Variants in IL1RAPL1 observed in about 807,000 individuals in gnomAD.
IL1RAPL1 encodes the protein interleukin 1 receptor accessory protein like 1.
IL1RAPL1 carries 3 observed loss-of-function variants against 48.4 expected under a neutral mutation model. That is an observed-to-expected ratio of 0.06 (90% CI 0.03 to 0.16). The LOEUF is 0.16. IL1RAPL1 is among the 10% of genes least tolerant of loss of function. The pLI, the probability that IL1RAPL1 is intolerant of heterozygous loss-of-function variation, is 1.00. For missense variants in IL1RAPL1, 349 were observed against 530.6 expected, an observed-to-expected ratio of 0.66 and a Z score of 3.36; for synonymous variants, 185 against 187.7, an observed-to-expected ratio of 0.99 and a Z score of 0.12.
At chrX:29,655,747 G>A in intron 5 of IL1RAPL1, among the ~76,000 whole-genome samples, 1 of 109,668 alleles carries the variant, frequency 9.1e-6, no homozygotes, top group Non-Finnish European at 1.9e-5. Flanking sequence ...TTGAATTCTG[G>A]CTTCTGTCCT....
At chrX:28,995,888 A>G (rs1020650954) in intron 2 of IL1RAPL1, among the ~76,000 whole-genome samples, 1 of 109,694 alleles carries the variant, frequency 9.1e-6, no homozygotes, top group Non-Finnish European at 1.9e-5. Flanking sequence ...ATATTTACCA[A>G]CTTCTATGAA....
chrX:29,173,925 C>CT (rs922129570), intron 2 of IL1RAPL1, among the ~76,000 whole-genome samples: 42 of 102,336 alleles, frequency 4.1e-4, no homozygotes, highest in East Asian at 6.0e-4. Flanking sequence ...CAACAAGATG[C>CT]TTTTTTTTTT....
chrX:29,226,714 C>T (rs993377821), intron 2 of IL1RAPL1, among the ~76,000 whole-genome samples: 3 of 108,446 alleles, frequency 2.8e-5, no homozygotes, highest in East Asian at 2.8e-4. Context: ...GGATTACAGG[C>T]GTGAGCCACT....
At chrX:28,596,555 C>T (rs1408761731) in intron 1 of IL1RAPL1, among the ~76,000 whole-genome samples, 3 of 111,034 alleles carry the variant, frequency 2.7e-5, no homozygotes, top group Non-Finnish European at 3.8e-5. Context: ...TCACATATAC[C>T]GACATCCCTT....
At chrX:28,616,711 C>T (rs1011557567) in intron 1 of IL1RAPL1, among the ~76,000 whole-genome samples, 6 of 112,095 alleles carry the variant, frequency 5.4e-5, no homozygotes, top group African/African-American at 9.7e-5. Context: ...GGATTACAGG[C>T]GTGAGCCACC....
At chrX:29,805,596 C>A (rs2147174501) in intron 6 of IL1RAPL1, among the ~76,000 whole-genome samples, 1 of 111,363 alleles carries the variant, frequency 9.0e-6, no homozygotes, top group South Asian at 3.7e-4. Flanking sequence ...TCTATATTAC[C>A]AAAGAATGGA....
rs769291888 is a variant in IL1RAPL1, at chrX:29,794,482, G to A, written c.779-122982G>A. 2.8e-5 allele frequency among the ~76,000 whole-genome samples: 3 copies of A among 107,769 alleles called. No individual in the cohort carries two copies. The Admixed American group carries it at 2.9e-4, about 10-fold the overall frequency. 93.6% of individuals were successfully genotyped at this position (107,769 alleles called of 115,157 possible). On this transcript the variant is annotated intron_variant, in intron 6 of 10. Coordinates refer to ENST00000378993, the MANE Select transcript of IL1RAPL1 (RefSeq NM_014271.4). ...ATGGCAACCTTTTCTCCATAATCTT[G>A]CTACCAGGTGGTATGCTAAAATTAA...
intron 1 of IL1RAPL1, among the ~76,000 whole-genome samples, chrX:28,606,232 T>C (rs1934081465): frequency 8.9e-6 from 1 of 112,252 alleles, no homozygotes; most frequent in African/African-American, 3.2e-5. Flanking sequence ...AAAATAAAGA[T>C]AATTTTCTTA....
chrX:29,882,148 C>T (rs959348283), intron 6 of IL1RAPL1, among the ~76,000 whole-genome samples: 6 of 111,616 alleles, frequency 5.4e-5, no homozygotes, highest in African/African-American at 2.0e-4. Flanking sequence ...AACAGCCTTC[C>T]TGTATTCACC....
intron 2 of IL1RAPL1, among the ~76,000 whole-genome samples, chrX:28,919,158 A>G (rs1371393751): frequency 9.0e-6 from 1 of 111,505 alleles, no homozygotes; most frequent in African/African-American, 3.3e-5. Context: ...CATGAACAGT[A>G]CTTGAACAGC....
chrX:28,963,489 A>G lies in IL1RAPL1; in HGVS notation c.82+174064A>G, dbSNP rs1226669942. Among the ~76,000 whole-genome samples, 27 of 111,375 alleles carry G rather than the reference A, an allele frequency of 2.4e-4. No homozygotes were observed. The South Asian group carries it at 0.01, about 42-fold the overall frequency. ...ATAATTAATACATAGAAATTAATAA[A>G]TATATATACAAGTAGATGAAGTTAA... On this transcript the variant is annotated intron_variant, in intron 2 of 10. Transcript: ENST00000378993.
At chrX:29,640,536 C>G (rs1925133557) in intron 5 of IL1RAPL1, among the ~76,000 whole-genome samples, 1 of 111,926 alleles carries the variant, frequency 8.9e-6, no homozygotes, top group Non-Finnish European at 1.9e-5. Context: ...GATCTGTCCA[C>G]CCATATATGA....
intron 1 of IL1RAPL1, among the ~76,000 whole-genome samples, chrX:28,673,322 TTACACCATA>T (rs1934965090): frequency 8.9e-6 from 1 of 111,952 alleles, no homozygotes; most frequent in Non-Finnish European, 1.9e-5. Context: ...GACCCCTTCC[TTACACCATA>T]TACAAAAGTT....
chrX:28,717,922 C>T (rs1452228162), intron 1 of IL1RAPL1, among the ~76,000 whole-genome samples: 1 of 111,490 alleles, frequency 9.0e-6, no homozygotes, highest in African/African-American at 3.2e-5. Flanking sequence ...CAATGAGCTT[C>T]CTGAAAGGCT....
intron 9 of IL1RAPL1, among the ~76,000 whole-genome samples, chrX:29,950,769 C>T (rs1470000143): frequency 9.2e-6 from 1 of 108,377 alleles, no homozygotes; most frequent in African/African-American, 3.4e-5. Flanking sequence ...CTCCGCCTCC[C>T]GGGTTCACGC....
intron 5 of IL1RAPL1, among the ~76,000 whole-genome samples, chrX:29,644,739 G>T (rs1925272405): frequency 9.0e-6 from 1 of 111,443 alleles, no homozygotes; most frequent in African/African-American, 3.3e-5. Context: ...GCTAATTTTT[G>T]TATTTTTAGT....
chrX:29,208,117 A>C (rs953967617), intron 2 of IL1RAPL1, among the ~76,000 whole-genome samples: 6 of 111,711 alleles, frequency 5.4e-5, no homozygotes, highest in African/African-American at 2.0e-4. Context: ...ATGCAAGAGT[A>C]GATACGGTAT....
intron 2 of IL1RAPL1, among the ~76,000 whole-genome samples, chrX:28,985,906 G>A (rs1355398290): frequency 9.0e-6 from 1 of 111,424 alleles, no homozygotes; most frequent in Non-Finnish European, 1.9e-5. Flanking sequence ...TGATCCGCCT[G>A]CCTCGGCCTC....
intron 2 of IL1RAPL1, among the ~76,000 whole-genome samples, chrX:29,045,177 A>G (rs778270196): frequency 6.5e-4 from 72 of 111,502 alleles, no homozygotes; most frequent in African/African-American, 2.1e-3. Context: ...CAGGACTCAA[A>G]GCCTTTCCTA....
Sources: gnomAD v4.1 joint callset for allele counts (sites outside exome capture counted in the v4.1 genomes callset) on GRCh38, gnomAD v4.1.1 for gene constraint, MANE v1.5 for transcripts, NCBI Gene and HGNC (gene_info 2026-07-23, HGNC 2026-07-21) for gene names.